Variants in PSMA3 observed in about 807,000 individuals in gnomAD.
PSMA3 encodes proteasome subunit alpha type-3.
PSMA3 carries 8 observed loss-of-function variants against 40.0 expected under a neutral mutation model. The ratio of observed to expected loss-of-function variants is 0.20; its 90% CI spans 0.12 to 0.36. The LOEUF is 0.36. PSMA3 is among the 10% of genes least tolerant of loss of function. The pLI, the probability that PSMA3 is intolerant of heterozygous loss-of-function variation, is 1.00. For synonymous variants in PSMA3, 110 were observed against 100.0 expected (o/e 1.10, Z -0.59); for missense variants, 219 against 310.6 (o/e 0.70, Z 2.22).
At chr14:58,268,966 ACT>A (rs1890529435) in intron 8 of PSMA3, 1 of 151,226 alleles carries the variant, frequency 6.6e-6, no homozygotes, top group South Asian at 2.1e-4. Flanking sequence ...ATGGAGTCTC[ACT>A]CTGTCGTCCA....
At chr14:58,256,753 T>G (rs1015884811) in intron 3 of PSMA3, among the ~76,000 whole-genome samples, 3 of 152,136 alleles carry the variant, frequency 2.0e-5, no homozygotes, top group African/African-American at 7.2e-5. Context: ...TCAAAAAGTT[T>G]CAGATTCTGA....
chr14:58,267,314 T>G (rs1890471511), intron 7 of PSMA3, 160 bp from the exon 8 acceptor site: 36 of 1,181,478 alleles, frequency 3.0e-5, no homozygotes, highest in Non-Finnish European at 3.7e-5. Flanking sequence ...GAGTATAAAT[T>G]TCAAAACATT....
rs561303699 is a variant in PSMA3 at position 58,252,609 on chromosome 14, T to C, written c.228+367T>C. On this transcript the variant is annotated intron_variant, in intron 3 of 10. Coordinates refer to ENST00000216455, the MANE Select transcript of PSMA3 (RefSeq NM_002788.4). ...AGATAGCGAACACCTTTATATAAGGTGGAACATCAGGAAAGGATGTTTAAT... is the reference window on the plus strand; with the variant it reads ...AGATAGCGAACACCTTTATATAAGGCGGAACATCAGGAAAGGATGTTTAAT... 3.3e-5 allele frequency among the ~76,000 whole-genome samples: 5 copies of C among 152,214 alleles called. No individual in the cohort carries two copies. The East Asian group carries it at 9.7e-4, about 29-fold the overall frequency.
Position 58,271,836 on chromosome 14 carries a change from G to GT in PSMA3, c.724-11dup. On this transcript the variant is annotated splice_polypyrimidine_tract_variant and intron_variant, in intron 10 of 10. Transcript: ENST00000216455. ...TTTTAAAAATCAATTTTAAACACCT[G>GT]TTTTCTCTTAACAGGAATCTCTGAA... 6.3e-7 allele frequency: 1 copy of GT among 1,590,446 alleles called. No homozygotes were observed. Among genetic ancestry groups the GT allele is most frequent in the Non-Finnish European group, 8.6e-7 (1 of 1,159,810 alleles).
intron 10 of PSMA3, 51 bp downstream of exon 10, chr14:58,271,049 C>T (rs1488432774): frequency 2.9e-6 from 4 of 1,374,918 alleles, no homozygotes; most frequent in Non-Finnish European, 4.1e-6. Flanking sequence ...CAGGGAATCA[C>T]TTAGCCCAGG....
At chr14:58,261,581 G>A (rs1187561302) in intron 6 of PSMA3, among the ~76,000 whole-genome samples, 1 of 152,026 alleles carries the variant, frequency 6.6e-6, no homozygotes, top group Non-Finnish European at 1.5e-5. Context: ...TTGAATATGT[G>A]ATTTTCCTTT....
rs544540648 is a variant in PSMA3, at chr14:58,254,333, C to CATATATATAT, written c.228+2092_228+2101dup. Among the ~76,000 whole-genome samples, 33 of 23,784 alleles carry CATATATATAT rather than the reference C, an allele frequency of 1.4e-3. 10 individuals are homozygous for CATATATATAT. Among genetic ancestry groups the CATATATATAT allele is most frequent in the Admixed American group, 5.5e-3 (9 of 1,650 alleles). 15.6% of individuals were successfully genotyped at this position (23,784 alleles called of 152,430 possible). A position where few individuals can be genotyped will look rare whatever the true frequency, so the allele number is the denominator to read the frequency against. On this transcript the variant is annotated intron_variant, in intron 3 of 10. Transcript: ENST00000216455. ...AATATTTTGAAAAAAATTATGCATG[C>CATATATATAT]ATATATATATGTATGTACACACACA...
intron 6 of PSMA3, among the ~76,000 whole-genome samples, chr14:58,261,251 C>T (rs1890272834): frequency 6.7e-6 from 1 of 149,688 alleles, no homozygotes; most frequent in African/African-American, 2.5e-5. Context: ...GGTGTGATCA[C>T]AGCTCACTGC....
Position 58,247,821 on chromosome 14 carries a change from G to A in PSMA3, c.93G>A (p.Val31=), listed in dbSNP as rs1297994624. ...VFQVEYAMKA[V]ENSSTAIGIR... is the part of the protein sequence containing the mutation. ...AAGTTGAATATGCTATGAAGGCTGT[G>A]GAAAATAGTAGGTAAGAAACATTTA... Residue 31 remains valine, a synonymous_variant, in exon 2 of 11, where the codon GTG becomes GTA. Transcript: ENST00000216455. 2 of 1,593,280 alleles carry A rather than the reference G, an allele frequency of 1.3e-6. No individual in the cohort carries two copies. The highest frequency in any genetic ancestry group is 2.2e-5 in the East Asian group (1 of 44,734).
At chr14:58,246,183 ATTTG>A (rs1428706813) in intron 1 of PSMA3, among the ~76,000 whole-genome samples, 14 of 152,022 alleles carry the variant, frequency 9.2e-5, no homozygotes, top group Admixed American at 2.0e-4. Context: ...AGATACGAAT[ATTTG>A]TTTGTCTGCT....
chr14:58,258,196 G>C, intron 5 of PSMA3, 198 bp downstream of exon 5: 1 of 497,740 alleles, frequency 2.0e-6, no homozygotes, highest in East Asian at 3.0e-5. Flanking sequence ...CCAGTACTTT[G>C]GGAGGTTGAG....
chr14:58,264,442 T>A (rs1890375485), intron 7 of PSMA3, among the ~76,000 whole-genome samples: 1 of 152,192 alleles, frequency 6.6e-6, no homozygotes, highest in African/African-American at 2.4e-5. Context: ...TTGGTTTTCC[T>A]TTTAGCCATG....
chr14:58,255,821 A>G (rs6573196), intron 3 of PSMA3, among the ~76,000 whole-genome samples: 110,551 of 152,150 alleles, frequency 0.73, 40,721 homozygotes, highest in Middle Eastern at 0.87. Flanking sequence ...GTGCCTGAGG[A>G]CCTCTCGGCA....
intron 7 of PSMA3, chr14:58,266,727 C>A (rs1259902980): frequency 6.6e-6 from 1 of 152,218 alleles, no homozygotes; most frequent in Non-Finnish European, 1.5e-5. Context: ...AAAGCTTTCC[C>A]TGGTATTTTG....
chr14:58,267,442 C>A, intron 7 of PSMA3, 32 bp from the exon 8 acceptor site: 1 of 1,483,810 alleles, frequency 6.7e-7, no homozygotes, highest in Non-Finnish European at 8.9e-7. Flanking sequence ...AAATGTTCTT[C>A]TGATGAACAG....
At chr14:58,253,786 G>T (rs775459579) in intron 3 of PSMA3, among the ~76,000 whole-genome samples, 56 of 152,016 alleles carry the variant, frequency 3.7e-4, no homozygotes, top group Non-Finnish European at 6.9e-4. Flanking sequence ...TAGAGACGGG[G>T]TTTCACCATG....
rs377679370 is a variant in PSMA3 at position 58,257,725 on chromosome 14, A to C, written c.229-20A>C. 1.4e-4 allele frequency: 228 copies of C among 1,596,934 alleles called. No individual in the cohort carries two copies. The highest frequency in any genetic ancestry group is 2.8e-5 in the Non-Finnish European group (33 of 1,166,294). ...GTGATAGGAATGTGTTCCTCTAGTA[A>C]ATTGGTGCTTTTTTTTCAGGCAGTA... On this transcript the variant is annotated intron_variant, in intron 3 of 10. Coordinates refer to ENST00000216455, the MANE Select transcript of PSMA3 (RefSeq NM_002788.4).
chr14:58,262,964 A>G lies in PSMA3; in HGVS notation c.478-741A>G, dbSNP rs574955250. On this transcript the variant is annotated intron_variant, in intron 6 of 10. Coordinates refer to ENST00000216455, the MANE Select transcript of PSMA3 (RefSeq NM_002788.4). ...ATTCTTAAATATATTTTGCTGTAAC[A>G]GAAGTATATATGTGTACATCCTTTT... Among the ~76,000 whole-genome samples the G allele has an allele frequency of 2.9e-4, 43 of 150,304 alleles. 1 individual carries two copies. The highest frequency in any genetic ancestry group is 1.0e-3 in the African/African-American group (42 of 40,910).
At chr14:58,255,662 G>T (rs1048356081) in intron 3 of PSMA3, among the ~76,000 whole-genome samples, 1 of 152,122 alleles carries the variant, frequency 6.6e-6, no homozygotes, top group Non-Finnish European at 1.5e-5. Context: ...CCAGCTACTC[G>T]GGAGGCTGAG....
Sources: gnomAD v4.1 joint callset for allele counts (sites outside exome capture counted in the v4.1 genomes callset) on GRCh38, gnomAD v4.1.1 for gene constraint, MANE v1.5 for transcripts, NCBI Gene and HGNC (gene_info 2026-07-23, HGNC 2026-07-21) for gene names.